The following DPYD variants were observed in gnomAD, a reference collection of about 807,000 sequenced individuals.
DPYD encodes the protein dihydropyrimidine dehydrogenase, also known as dihydropyrimidine dehydrogenase [NADP(+)].
A neutral mutation model predicts 116.2 loss-of-function variants in DPYD; 109 were observed. That is an observed-to-expected ratio of 0.94 (90% CI 0.80 to 1.10). The LOEUF is 1.10. Ranked by LOEUF, DPYD falls within the 50% of genes least tolerant of loss-of-function variation. The pLI is 0.00. For missense variants in DPYD, 1,302 were observed against 1,254.5 expected, an observed-to-expected ratio of 1.04 and a Z score of -0.57; for synonymous variants, 440 against 432.0, an observed-to-expected ratio of 1.02 and a Z score of -0.23.
At chr1:97,383,982 C>A (rs1210736381) in intron 14 of DPYD, among the ~76,000 whole-genome samples, 2 of 151,988 alleles carry the variant, frequency 1.3e-5, no homozygotes, top group Non-Finnish European at 2.9e-5. Context: ...GGTGCCCTGC[C>A]CCTGTAGTCC....
At chr1:97,339,207 T>G (rs954013490) in intron 16 of DPYD, among the ~76,000 whole-genome samples, 17 of 152,078 alleles carry the variant, frequency 1.1e-4, no homozygotes, top group African/African-American at 3.9e-4. Context: ...CAAAGAGAAG[T>G]AGTTCCAGAT....
At chr1:97,655,581 AT>A (rs1465569386) in intron 8 of DPYD, among the ~76,000 whole-genome samples, 2 of 152,342 alleles carry the variant, frequency 1.3e-5, no homozygotes, top group East Asian at 3.9e-4. Context: ...GATTTCTAAA[AT>A]TCAGCTTGGA....
chr1:97,245,787 T>C (rs1322553638), intron 18 of DPYD, among the ~76,000 whole-genome samples: 1 of 152,130 alleles, frequency 6.6e-6, no homozygotes, highest in Non-Finnish European at 1.5e-5. Flanking sequence ...CACAATTTCT[T>C]TTCTCTCTGA....
chr1:97,849,299 C>A (rs1402521747), intron 2 of DPYD, among the ~76,000 whole-genome samples: 5 of 151,920 alleles, frequency 3.3e-5, no homozygotes, highest in African/African-American at 1.2e-4. Flanking sequence ...TGACTTATTT[C>A]TAGGTGGTAG....
intron 3 of DPYD, among the ~76,000 whole-genome samples, chr1:97,753,360 G>T (rs993309379): frequency 3.3e-5 from 5 of 152,118 alleles, no homozygotes; most frequent in African/African-American, 1.2e-4. Context: ...GGTTATCTCT[G>T]CCATTTCCTC....
At chr1:97,681,356 C>A (rs1247629306) in intron 7 of DPYD, among the ~76,000 whole-genome samples, 2 of 152,008 alleles carry the variant, frequency 1.3e-5, no homozygotes, top group African/African-American at 4.8e-5. Context: ...ATATAAAGTG[C>A]AAAGCAAGCA....
At chr1:97,691,309 T>G (rs1317555223) in intron 7 of DPYD, 1 of 171,432 alleles carries the variant, frequency 5.8e-6, no homozygotes, top group African/African-American at 2.4e-5. Flanking sequence ...ACTGACATGA[T>G]GAATATAACA....
intron 5 of DPYD, among the ~76,000 whole-genome samples, chr1:97,703,750 T>C (rs1223632811): frequency 6.6e-6 from 1 of 152,030 alleles, no homozygotes; most frequent in Non-Finnish European, 1.5e-5. Flanking sequence ...TATAATGCAA[T>C]AGATATAAAT....
At chr1:97,432,080 T>C (rs1489926916) in intron 14 of DPYD, among the ~76,000 whole-genome samples, 1 of 152,192 alleles carries the variant, frequency 6.6e-6, no homozygotes, top group Non-Finnish European at 1.5e-5. Flanking sequence ...ATTGTGTATC[T>C]ATACCACTTT....
At chr1:97,492,334 T>C (rs74558882) in intron 13 of DPYD, among the ~76,000 whole-genome samples, 2,494 of 152,292 alleles carry the variant, frequency 0.016, 68 homozygotes, top group African/African-American at 0.057. Context: ...TCAGTAATCC[T>C]GGTCCTTGTC....
chr1:97,276,572 A>G (rs1228584758), intron 18 of DPYD, among the ~76,000 whole-genome samples: 2 of 152,008 alleles, frequency 1.3e-5, no homozygotes, highest in African/African-American at 4.8e-5. Flanking sequence ...CAACATCATT[A>G]ATCACCAGAG....
rs185745661 is a variant in DPYD at position 97,379,455 on chromosome 1, C to G, written c.1974+2938G>C. On this transcript the variant is annotated intron_variant, in intron 15 of 22. Transcript: ENST00000370192. Reference sequence around the variant, plus strand: ...TCAAATTTGATGGCCCTACTTGTCACCCAGGAATTTTGCCACTAGTTAAAG... The same window carrying G: ...TCAAATTTGATGGCCCTACTTGTCAGCCAGGAATTTTGCCACTAGTTAAAG... Among the ~76,000 whole-genome samples, 433 of 152,306 alleles carry G rather than the reference C, an allele frequency of 2.8e-3. 3 individuals are homozygous for G. The highest frequency in any genetic ancestry group is 4.9e-3 in the Non-Finnish European group (334 of 68,032).
intron 2 of DPYD, among the ~76,000 whole-genome samples, chr1:97,843,044 T>A (rs907831837): frequency 6.6e-6 from 1 of 152,072 alleles, no homozygotes; most frequent in Non-Finnish European, 1.5e-5. Context: ...TTAAAGACTG[T>A]TATTAACTCC....
chr1:97,327,901 A>AT (rs949917866), intron 16 of DPYD, among the ~76,000 whole-genome samples: 32 of 152,082 alleles, frequency 2.1e-4, no homozygotes, highest in African/African-American at 7.7e-4. Flanking sequence ...GGCAAAACTG[A>AT]TATTACAAAA....
chr1:97,645,608 G>A (rs769908396), intron 8 of DPYD, among the ~76,000 whole-genome samples: 2 of 151,756 alleles, frequency 1.3e-5, no homozygotes, highest in African/African-American at 4.8e-5. Context: ...ATGTTTTCAT[G>A]ATCTAATGCT....
intron 8 of DPYD, among the ~76,000 whole-genome samples, chr1:97,662,335 CATGA>C (rs1398671132): frequency 6.6e-6 from 1 of 151,882 alleles, no homozygotes; most frequent in Non-Finnish European, 1.5e-5. Context: ...CAATAGTATT[CATGA>C]ATACCAGCTG....
chr1:97,577,164 T>C (rs920875088), intron 10 of DPYD, among the ~76,000 whole-genome samples: 1 of 152,204 alleles, frequency 6.6e-6, no homozygotes, highest in African/African-American at 2.4e-5. Flanking sequence ...AGCTGGACTT[T>C]GTTATAGCAG....
intron 14 of DPYD, among the ~76,000 whole-genome samples, chr1:97,434,042 T>A (rs1675325332): frequency 6.6e-6 from 1 of 151,996 alleles, no homozygotes; most frequent in Non-Finnish European, 1.5e-5. Flanking sequence ...TTAAACTAAA[T>A]CAGGCACAAA....
chr1:97,429,730 C>A (rs1675068358), intron 14 of DPYD, among the ~76,000 whole-genome samples: 1 of 152,098 alleles, frequency 6.6e-6, no homozygotes. Context: ...GTAGCTTCTA[C>A]TAACGAATTT....
Sources: gnomAD v4.1 joint callset for allele counts (sites outside exome capture counted in the v4.1 genomes callset) on GRCh38, gnomAD v4.1.1 for gene constraint, MANE v1.5 for transcripts, NCBI Gene and HGNC (gene_info 2026-07-23, HGNC 2026-07-21) for gene names.